Variants in ZC3H7B observed in about 807,000 individuals in gnomAD.
ZC3H7B encodes the protein zinc finger CCCH-type containing 7B.
ZC3H7B carries 35 observed loss-of-function variants against 116.0 expected under a neutral mutation model. That is an observed-to-expected ratio of 0.30 (90% CI 0.23 to 0.40). The LOEUF is 0.40. ZC3H7B is among the 10% of genes least tolerant of loss of function. The pLI is 1.00. For synonymous variants in ZC3H7B, 502 were observed against 545.6 expected (o/e 0.92, Z 1.11); for missense variants, 1,011 against 1,321.5 (o/e 0.77, Z 3.64).
rs868005738 is a variant in ZC3H7B at position 41,353,230 on chromosome 22, G to A, written c.2034+1584G>A. 2.6e-5 allele frequency among the ~76,000 whole-genome samples: 4 copies of A among 152,336 alleles called. No individual in the cohort carries two copies. The South Asian group carries it at 6.2e-4, about 24-fold the overall frequency. Reference sequence around the variant, plus strand: ...ATGGTCCTGAAGAGAGCATGGGATTGTGGCATTTGCAGATGGGGAAGCTGA... The same window carrying A: ...ATGGTCCTGAAGAGAGCATGGGATTATGGCATTTGCAGATGGGGAAGCTGA... On this transcript the variant is annotated intron_variant, in intron 17 of 22. Transcript: ENST00000352645.
At chr22:41,339,258 G>T (rs766407653) in intron 9 of ZC3H7B, 67 bp downstream of exon 9, 46 of 1,520,550 alleles carry the variant, frequency 3.0e-5, no homozygotes, top group Non-Finnish European at 4.1e-5. Flanking sequence ...ATTGTCCCAG[G>T]GGTGGAGGGA....
chr22:41,325,795 G>C lies in ZC3H7B; in HGVS notation c.162G>C (p.Gln54His). 6.2e-7 allele frequency: 1 copy of C among 1,613,916 alleles called. No individual in the cohort carries two copies. The highest frequency in any genetic ancestry group is 1.1e-5 in the South Asian group (1 of 91,014). Residue 54 changes from glutamine to histidine, a missense_variant, in exon 4 of 23, where the codon CAG (glutamine) becomes CAC (histidine). Coordinates refer to ENST00000352645, the MANE Select transcript of ZC3H7B (RefSeq NM_017590.6). ...NDLFREKDYK[Q>H]ALVQYMEGLN... ...TGTTCCGGGAGAAGGACTATAAGCA[G>C]GCTCTGGTGCAGTACATGGAAGGGC...
intron 1 of ZC3H7B, among the ~76,000 whole-genome samples, chr22:41,312,066 A>G (rs1341973074): frequency 6.6e-6 from 1 of 151,122 alleles, no homozygotes; most frequent in Non-Finnish European, 1.5e-5. Flanking sequence ...CTGAGGCAGG[A>G]GAATGGCGTG....
chr22:41,342,787 G>T (rs2036538540), intron 12 of ZC3H7B, among the ~76,000 whole-genome samples, 159 bp downstream of exon 12: 1 of 152,202 alleles, frequency 6.6e-6, no homozygotes, highest in Admixed American at 6.5e-5. Flanking sequence ...CAGGAGTTTG[G>T]GGTCTGTCCC....
At chr22:41,337,790 G>A (rs1295934974) in intron 7 of ZC3H7B, among the ~76,000 whole-genome samples, 4 of 151,942 alleles carry the variant, frequency 2.6e-5, no homozygotes, top group African/African-American at 9.7e-5. Context: ...GGGATCCACT[G>A]AGCCCATGCC....
At position 41,327,950 on chromosome 22, in the gene ZC3H7B, C is replaced by T. The variant is rs1056714441; in HGVS notation, c.444+586C>T. On this transcript the variant is annotated intron_variant, in intron 5 of 22. Coordinates refer to ENST00000352645, the MANE Select transcript of ZC3H7B (RefSeq NM_017590.6). This position sits in a 1 kb window ranked among gnomAD's most constrained non-coding sequence, Gnocchi z 4.5. ...ACTAGCCTGAGCAACATAGCAAGAC[C>T]CTGTTTCAACAAAAAATTAAAAAAA... 6.6e-6 allele frequency among the ~76,000 whole-genome samples: 1 copy of T among 151,936 alleles called. No individual in the cohort carries two copies. The highest frequency in any genetic ancestry group is 2.4e-5 in the African/African-American group (1 of 41,372).
At position 41,356,639 on chromosome 22, in the gene ZC3H7B, T is replaced by C; in HGVS notation, c.2518-6T>C. The C allele has an allele frequency of 6.2e-7, 1 of 1,613,190 alleles. No individual in the cohort carries two copies. The highest frequency in any genetic ancestry group is 8.5e-7 in the Non-Finnish European group (1 of 1,179,936). On this transcript the variant is annotated splice_region_variant and splice_polypyrimidine_tract_variant and intron_variant, in intron 21 of 22. Transcript: ENST00000352645. ...GAGCAGGCACCCATGATGGCTGTGC[T>C]CCCAGATGGGCTACCACTGCTGGCT...
intron 15 of ZC3H7B, among the ~76,000 whole-genome samples, chr22:41,348,607 T>C (rs2036618612): frequency 6.6e-6 from 1 of 152,216 alleles, no homozygotes; most frequent in Non-Finnish European, 1.5e-5. Flanking sequence ...TTTCTCCCTC[T>C]TGTTCCCCTT....
intron 14 of ZC3H7B, among the ~76,000 whole-genome samples, chr22:41,347,225 G>A (rs2036597691): frequency 6.6e-6 from 1 of 152,210 alleles, no homozygotes; most frequent in African/African-American, 2.4e-5. Context: ...CCTGTCCGGG[G>A]CTTCCCCCGC....
chr22:41,330,218 G>T (rs1361728536), intron 6 of ZC3H7B, 115 bp downstream of exon 6: 1 of 1,014,316 alleles, frequency 9.9e-7, no homozygotes, highest in Non-Finnish European at 1.5e-6. Context: ...TTAGGACAGA[G>T]GGGAGTGACA....
In ZC3H7B at chr22:41,359,610, GA is replaced by G. The variant is rs1438828429; in HGVS notation, c.*2185del. 1 of 152,276 alleles carries G rather than the reference GA, an allele frequency of 6.6e-6. No individual in the cohort carries two copies. Among genetic ancestry groups the G allele is most frequent in the African/African-American group, 2.4e-5 (1 of 41,452 alleles). The allele number at this position is 152,276 out of a possible 1,614,324, so 9.4% of individuals were successfully genotyped here. ...GGTGATTTGTATTTGTCTCCCCGCTGAAAAGAACAGGATTCAAGTCCAGAGT... is the reference window on the plus strand; with the variant it reads ...GGTGATTTGTATTTGTCTCCCCGCTGAAAGAACAGGATTCAAGTCCAGAGT... On this transcript the variant is annotated 3_prime_UTR_variant, in exon 23 of 23. Transcript: ENST00000352645.
In ZC3H7B at chr22:41,349,533, G is replaced by GT. The variant is rs1273087214; in HGVS notation, c.1948+237dup. Among the ~76,000 whole-genome samples, 1 of 152,126 alleles carries GT rather than the reference G, an allele frequency of 6.6e-6. No individual in the cohort carries two copies. On this transcript the variant is annotated intron_variant, in intron 16 of 22. Coordinates refer to ENST00000352645, the MANE Select transcript of ZC3H7B (RefSeq NM_017590.6). The surrounding 1 kb of genome is among the most constrained non-coding windows in gnomAD (Gnocchi z 4.9). ...GGCGCTTCCAGGCTCGGAGATCTGGGTTTTTCCCTTCGTAGGCACCGTCCA... is the reference window on the plus strand; with the variant it reads ...GGCGCTTCCAGGCTCGGAGATCTGGGTTTTTTCCCTTCGTAGGCACCGTCCA...
intron 16 of ZC3H7B, among the ~76,000 whole-genome samples, chr22:41,350,827 A>C (rs2036645678): frequency 6.6e-6 from 1 of 152,202 alleles, no homozygotes; most frequent in Admixed American, 6.5e-5. Context: ...AAGAAACTGG[A>C]TGTCAAGTGC....
chr22:41,319,645 A>G (rs559492696), intron 1 of ZC3H7B, among the ~76,000 whole-genome samples: 33 of 150,046 alleles, frequency 2.2e-4, no homozygotes, highest in African/African-American at 7.1e-4. Flanking sequence ...ACTCTATCTT[A>G]TTATTTTTTC....
rs978282466 is a variant in ZC3H7B at position 41,320,687 on chromosome 22, C to T, written c.27C>T (p.Asp9=). Reference sequence around the variant, plus strand: ...TGGAGAGGCAGAAACGGAAGGCGGACATCGAGAAAGGGCTGCAGTTCATTC... The same window carrying T: ...TGGAGAGGCAGAAACGGAAGGCGGATATCGAGAAAGGGCTGCAGTTCATTC... MERQKRKA[D]IEKGLQFIQS... is the part of the protein sequence containing the mutation. The change falls in exon 2 of 23, where the codon GAC becomes GAT. Residue 9 remains aspartate, a synonymous_variant. Transcript: ENST00000352645. The T allele has an allele frequency of 6.2e-7, 1 of 1,602,392 alleles. No individual in the cohort carries two copies. The highest frequency in any genetic ancestry group is 2.3e-5 in the East Asian group (1 of 44,284).
Position 41,356,688 on chromosome 22 carries a change from A to T in ZC3H7B, c.2561A>T (p.Lys854Met). ...CTCTGCGGCAAGAACAGCAACAGCA[A>T]GAAGCAGTGGCAGCAGCACATCCAG... The part of the protein sequence containing the change: ...CWLCGKNSNS[K>M]KQWQQHIQSE... Residue 854 changes from lysine to methionine, a missense_variant, in exon 22 of 23, where the codon AAG (lysine) becomes ATG (methionine). Transcript: ENST00000352645. 5 of 1,613,712 alleles carry T rather than the reference A, an allele frequency of 3.1e-6. No individual in the cohort carries two copies. Among genetic ancestry groups the T allele is most frequent in the Non-Finnish European group, 4.2e-6 (5 of 1,180,006 alleles).
chr22:41,356,974 G>A (rs5758309), intron 22 of ZC3H7B, among the ~76,000 whole-genome samples, 166 bp downstream of exon 22: 15,300 of 152,132 alleles, frequency 0.1, 2,381 homozygotes, highest in East Asian at 0.45. Flanking sequence ...TGGGAGGGCT[G>A]GGCTCAGACC....
At chr22:41,310,509 C>T (rs997298197) in intron 1 of ZC3H7B, among the ~76,000 whole-genome samples, 2 of 152,098 alleles carry the variant, frequency 1.3e-5, no homozygotes, top group African/African-American at 4.8e-5. Context: ...AGCAGAGCAG[C>T]ACTGGAAACT....
At chr22:41,334,954 C>G (rs941204908) in intron 7 of ZC3H7B, 18 of 152,184 alleles carry the variant, frequency 1.2e-4, no homozygotes, top group African/African-American at 4.3e-4. Context: ...GAACAAGATG[C>G]AAGGAGGGCT....
Sources: allele counts gnomAD v4.1 joint callset (sites outside exome capture counted in the v4.1 genomes callset), GRCh38; gene constraint gnomAD v4.1.1; non-coding constraint Gnocchi (gnomAD v3.1); transcripts MANE v1.5; gene names NCBI Gene and HGNC (gene_info 2026-07-23, HGNC 2026-07-21).